Variants in PVT1 observed in about 807,000 individuals in gnomAD.
PVT1 encodes the protein CXCR4/PVT1 fusion.
intron 4 of PVT1, among the ~76,000 whole-genome samples, chr8:128,004,282 G>T (rs1817220610): frequency 6.6e-6 from 1 of 152,136 alleles, no homozygotes; most frequent in Non-Finnish European, 1.5e-5. Context: ...TGTAAAGCAG[G>T]TCCTTGTAAT....
intron 4 of PVT1, among the ~76,000 whole-genome samples, chr8:128,046,014 G>C (rs1813607854): frequency 6.6e-6 from 1 of 152,186 alleles, no homozygotes; most frequent in Non-Finnish European, 1.5e-5. Flanking sequence ...CAGTCTTAGA[G>C]CATCCCTGTT....
At chr8:127,920,948 C>T (rs778996887) in intron 3 of PVT1, among the ~76,000 whole-genome samples, 2 of 152,180 alleles carry the variant, frequency 1.3e-5, no homozygotes, top group South Asian at 4.2e-4. Flanking sequence ...CTCTAGTCAG[C>T]GTGCCAAAAA....
At chr8:127,938,553 A>C (rs1416004287) in intron 3 of PVT1, among the ~76,000 whole-genome samples, 1 of 152,192 alleles carries the variant, frequency 6.6e-6, no homozygotes, top group Non-Finnish European at 1.5e-5. Context: ...TTCTAGCAAA[A>C]CAGATTACAC....
intron 3 of PVT1, among the ~76,000 whole-genome samples, chr8:127,987,889 A>C (rs1816987377): frequency 1.3e-5 from 2 of 152,370 alleles, no homozygotes; most frequent in African/African-American, 4.8e-5. Context: ...TGAGGACAGC[A>C]TCTTTCTGCG....
chr8:127,876,221 A>T (rs1235629806), intron 2 of PVT1, among the ~76,000 whole-genome samples: 2 of 151,372 alleles, frequency 1.3e-5, no homozygotes. Flanking sequence ...CCTGGAAAAC[A>T]TACAGTGATT....
chr8:128,027,008 T>C (rs771845597), intron 4 of PVT1, among the ~76,000 whole-genome samples: 13 of 152,190 alleles, frequency 8.5e-5, no homozygotes, highest in Admixed American at 3.3e-4. Flanking sequence ...AGTTCTCTAA[T>C]GGGTCATCTG....
At chr8:127,900,483 C>A (rs765656037) in intron 3 of PVT1, among the ~76,000 whole-genome samples, 6 of 152,322 alleles carry the variant, frequency 3.9e-5, no homozygotes, top group South Asian at 2.1e-4. Context: ...CTTACAATTT[C>A]ATTACAAATC....
chr8:127,905,601 G>C (rs1330711388), intron 3 of PVT1, among the ~76,000 whole-genome samples: 1 of 152,180 alleles, frequency 6.6e-6, no homozygotes, highest in Non-Finnish European at 1.5e-5. Flanking sequence ...ACTATGTGCA[G>C]GGCAGTGTAG....
chr8:128,089,329 A>C (rs1814318065), intron 5 of PVT1, among the ~76,000 whole-genome samples: 1 of 152,046 alleles, frequency 6.6e-6, no homozygotes, highest in Non-Finnish European at 1.5e-5. Context: ...GCAGTGTCCT[A>C]ATGTGAAGGA....
chr8:128,027,533 G>A (rs1813323389), intron 4 of PVT1, among the ~76,000 whole-genome samples: 2 of 152,208 alleles, frequency 1.3e-5, no homozygotes, highest in South Asian at 4.1e-4. Flanking sequence ...AGGGGATGAA[G>A]CCATAGGCTT....
At chr8:128,056,366 T>C (rs1202048288) in intron 4 of PVT1, among the ~76,000 whole-genome samples, 2 of 152,250 alleles carry the variant, frequency 1.3e-5, no homozygotes, top group African/African-American at 2.4e-5. Flanking sequence ...TGTATACTCA[T>C]ATATGCATAC....
chr8:128,040,219 A>G (rs1813514518), intron 4 of PVT1, among the ~76,000 whole-genome samples: 1 of 152,242 alleles, frequency 6.6e-6, no homozygotes, highest in Non-Finnish European at 1.5e-5. Context: ...TTAAATCAGT[A>G]GACTTTGAGG....
intron 4 of PVT1, among the ~76,000 whole-genome samples, chr8:128,054,169 AC>A (rs1275074941): frequency 6.6e-6 from 1 of 152,206 alleles, no homozygotes; most frequent in African/African-American, 2.4e-5. Flanking sequence ...GGTTCTCCCA[AC>A]AAATAGGAAG....
intron 2 of PVT1, among the ~76,000 whole-genome samples, chr8:127,863,987 A>G (rs1428811256): frequency 6.6e-6 from 1 of 152,188 alleles, no homozygotes; most frequent in Non-Finnish European, 1.5e-5. Context: ...AGCGAGATGT[A>G]GGGGAAAGGT....
At chr8:127,907,158 G>A (rs1240234625) in intron 3 of PVT1, among the ~76,000 whole-genome samples, 1 of 151,844 alleles carries the variant, frequency 6.6e-6, no homozygotes, top group Non-Finnish European at 1.5e-5. Context: ...TGGTAGAGAC[G>A]GGGTTTCACC....
At chr8:127,958,084 A>G (rs1277589121) in intron 3 of PVT1, among the ~76,000 whole-genome samples, 1 of 152,236 alleles carries the variant, frequency 6.6e-6, no homozygotes, top group Non-Finnish European at 1.5e-5. Flanking sequence ...CGTGGCATCA[A>G]ACAGGATGGA....
At chr8:128,059,875 G>A (rs374094710) in intron 4 of PVT1, among the ~76,000 whole-genome samples, 8 of 152,188 alleles carry the variant, frequency 5.3e-5, no homozygotes, top group African/African-American at 1.2e-4. Context: ...ACTCTTCATC[G>A]TTCAGCCATA....
intron 4 of PVT1, among the ~76,000 whole-genome samples, chr8:127,991,918 TC>T (rs755726955): frequency 6.6e-6 from 1 of 152,104 alleles, no homozygotes; most frequent in Non-Finnish European, 1.5e-5. Context: ...TCCTCACCTT[TC>T]CCACCCATGA....
intron 3 of PVT1, among the ~76,000 whole-genome samples, chr8:127,895,291 C>G (rs376318421): frequency 6.6e-6 from 1 of 151,998 alleles, no homozygotes; most frequent in East Asian, 1.9e-4. Context: ...ACCAACATAG[C>G]GAAACCCCAT....
Sources: gnomAD v4.1 joint callset for allele counts (sites outside exome capture counted in the v4.1 genomes callset) on GRCh38, gnomAD v4.1.1 for gene constraint, MANE v1.5 for transcripts, NCBI Gene and HGNC (gene_info 2026-07-23, HGNC 2026-07-21) for gene names.